Variants in CEP295 observed in about 807,000 individuals in gnomAD.
CEP295 encodes centrosomal protein 295, also known as centrosomal protein of 295 kDa.
Under a neutral mutation model 291.6 loss-of-function variants are expected in CEP295, and 190 were observed. The observed-to-expected ratio is 0.65, with a 90% CI of 0.58 to 0.73. The LOEUF (loss-of-function observed/expected upper bound fraction) is 0.73, where lower values mean the gene tolerates loss of function less well. CEP295 is among the 30% of genes least tolerant of loss of function. CEP295 has a pLI of 0.00. For synonymous variants in CEP295, 993 were observed against 1,038.8 expected (o/e 0.96, Z 0.85); for missense variants, 2,863 against 2,949.4 (o/e 0.97, Z 0.68).
At position 93,670,397 on chromosome 11, in the gene CEP295, T is replaced by A. The variant is rs571042025; in HGVS notation, c.528+627T>A. On this transcript the variant is annotated intron_variant, in intron 5 of 29. Transcript: ENST00000325212. Reference sequence around the variant, plus strand: ...TTTGTGATTTGAAGCTTATTTTTTTTAAAAAAATGTAATTAAAGCAGAAAT... The same window carrying A: ...TTTGTGATTTGAAGCTTATTTTTTTAAAAAAAATGTAATTAAAGCAGAAAT... Among the ~76,000 whole-genome samples the A allele has an allele frequency of 4.9e-3, 742 of 152,062 alleles. 14 individuals carry two copies. The highest frequency in any genetic ancestry group is 0.017 in the African/African-American group (695 of 41,458).
chr11:93,709,709 T>C (rs1228836862), intron 18 of CEP295, among the ~76,000 whole-genome samples: 1 of 152,182 alleles, frequency 6.6e-6, no homozygotes, highest in Non-Finnish European at 1.5e-5. Flanking sequence ...AGGGATTGCA[T>C]TGAATCTGCA....
chr11:93,675,037 T>C (rs1950623425), intron 5 of CEP295, among the ~76,000 whole-genome samples: 1 of 152,252 alleles, frequency 6.6e-6, no homozygotes, highest in Non-Finnish European at 1.5e-5. Flanking sequence ...GAAGGTAGTT[T>C]ACTTTCATTC....
At chr11:93,728,624 AGT>A in intron 24 of CEP295, 55 bp from the exon 25 acceptor site, 1 of 1,436,696 alleles carries the variant, frequency 7.0e-7, no homozygotes. Context: ...CAAAACGATT[AGT>A]TTAAGTCTTT....
In CEP295 at chr11:93,698,625, G is replaced by A. The variant is rs1326240631; in HGVS notation, c.3713G>A (p.Arg1238Lys). Residue 1238 changes from arginine to lysine, a missense_variant, in exon 15 of 30, where the codon AGA becomes AAA. By Grantham distance (26) the Arg-to-Lys change is conservative. Around this residue, in one of 3 missense-constraint regions of CEP295, gnomAD observed 2,295 missense variants for 2,335.7 expected, o/e 0.98. Transcript: ENST00000325212. ...TIPLSHPKIP[R>K]CQERLLRVSQ... ...CCCTTAAGCCATCCTAAGATCCCAA[G>A]ATGTCAGGAAAGACTTTTGAGAGTT... The A allele has an allele frequency of 1.3e-6, 2 of 1,551,250 alleles. No homozygotes were observed. The highest frequency in any genetic ancestry group is 3.9e-5 in the Admixed American group (2 of 50,988).
Position 93,679,350 on chromosome 11 carries a change from T to C in CEP295, c.625-62T>C, listed in dbSNP as rs879449552. The C allele has an allele frequency of 1.6e-5, 22 of 1,416,724 alleles. No individual in the cohort carries two copies. The African/African-American group carries it at 2.3e-4, about 15-fold the overall frequency. The allele number at this position is 1,416,724 out of a possible 1,614,324, so 87.8% of individuals were successfully genotyped here. A position where few individuals can be genotyped will look rare whatever the true frequency, so the allele number is the denominator to read the frequency against. The stretch of plus-strand genomic sequence containing the variant: ...AACATGATTTTAAGGTTGTTTTGTT[T>C]TTTAGTTACTGCTTGTCTCACACTT... On this transcript the variant is annotated intron_variant, in intron 6 of 29. Transcript: ENST00000325212.
At chr11:93,711,231 A>T (rs1952874112) in intron 18 of CEP295, among the ~76,000 whole-genome samples, 1 of 151,846 alleles carries the variant, frequency 6.6e-6, no homozygotes, top group South Asian at 2.1e-4. Context: ...TTTTATGTAG[A>T]TACTTAAATA....
Position 93,692,037 on chromosome 11 carries a change from T to C in CEP295, c.1533+7T>C, listed in dbSNP as rs1192391099. Reference sequence around the variant, plus strand: ...GTCAGCAAGGCAGAAACAGGTAATTTGAAATTTTATTTTTAAAGGTTTATT... The same window carrying C: ...GTCAGCAAGGCAGAAACAGGTAATTCGAAATTTTATTTTTAAAGGTTTATT... On this transcript the variant is annotated splice_region_variant and intron_variant, in intron 12 of 29. Coordinates refer to ENST00000325212, the MANE Select transcript of CEP295 (RefSeq NM_033395.2). 5 of 1,395,842 alleles carry C rather than the reference T, an allele frequency of 3.6e-6. No individual in the cohort carries two copies. Among genetic ancestry groups the C allele is most frequent in the Non-Finnish European group, 4.9e-6 (5 of 1,015,244 alleles). 86.5% of individuals were successfully genotyped at this position (1,395,842 alleles called of 1,614,324 possible). A position where few individuals can be genotyped will look rare whatever the true frequency, so the allele number is the denominator to read the frequency against.
At chr11:93,705,782 G>T (rs1288932397) in intron 17 of CEP295, among the ~76,000 whole-genome samples, 1 of 152,112 alleles carries the variant, frequency 6.6e-6, no homozygotes, top group Non-Finnish European at 1.5e-5. Context: ...AGGTTCTCTT[G>T]GGGTGAGGGG....
intron 18 of CEP295, among the ~76,000 whole-genome samples, chr11:93,720,365 C>A (rs1953611821): frequency 6.7e-6 from 1 of 150,222 alleles, no homozygotes; most frequent in Admixed American, 6.7e-5. Context: ...CCCAGCTACT[C>A]AGGAGGCTGA....
chr11:93,696,105 A>G (rs947440517), intron 13 of CEP295, among the ~76,000 whole-genome samples: 1 of 152,220 alleles, frequency 6.6e-6, no homozygotes, highest in Non-Finnish European at 1.5e-5. Context: ...ATACTAATAG[A>G]TACGACCATG....
chr11:93,670,285 A>G (rs936270789), intron 5 of CEP295, among the ~76,000 whole-genome samples: 3 of 152,136 alleles, frequency 2.0e-5, no homozygotes, highest in Non-Finnish European at 4.4e-5. Context: ...ATTATAAAGT[A>G]TCCAGGTGTG....
chr11:93,666,659 G>A, intron 1 of CEP295, 23 bp from the exon 2 acceptor site: 1 of 857,676 alleles, frequency 1.2e-6, no homozygotes, highest in East Asian at 2.7e-5. Context: ...TATTTTTATA[G>A]ACATTTTCCT....
intron 23 of CEP295, 73 bp downstream of exon 23, chr11:93,725,904 T>A: frequency 7.7e-7 from 1 of 1,303,598 alleles, no homozygotes. Flanking sequence ...AAATTAAGCC[T>A]AGCACCTCTT....
At chr11:93,724,706 G>A (rs1015555233) in intron 22 of CEP295, among the ~76,000 whole-genome samples, 4 of 152,118 alleles carry the variant, frequency 2.6e-5, no homozygotes, top group African/African-American at 9.7e-5. Flanking sequence ...GGTGGAGGCT[G>A]CAGTGAGCTG....
At position 93,675,608 on chromosome 11, in the gene CEP295, A is replaced by G. The variant is rs1950649567; in HGVS notation, c.566A>G (p.Asn189Ser). 1.3e-6 allele frequency: 2 copies of G among 1,513,080 alleles called. No homozygotes were observed. The highest frequency in any genetic ancestry group is 1.3e-5 in the South Asian group (1 of 76,906). 93.7% of individuals were successfully genotyped at this position (1,513,080 alleles called of 1,614,324 possible). A position where few individuals can be genotyped will look rare whatever the true frequency, so the allele number is the denominator to read the frequency against. The part of the protein sequence containing the change: ...EVKRISAVKT[N>S]SSTYHHLHTF... Reference sequence around the variant, plus strand: ...AAAAGAATTTCTGCAGTCAAAACCAATAGTTCTACCTACCATCATCTTCAC... The same window carrying G: ...AAAAGAATTTCTGCAGTCAAAACCAGTAGTTCTACCTACCATCATCTTCAC... The change falls in exon 6 of 30, where the codon AAT (asparagine) becomes AGT (serine). Residue 189 changes from asparagine to serine, a missense_variant. Asn to Ser is a conservative substitution (Grantham distance 46). This residue lies in a region of CEP295 where 554 missense variants were observed against 576.0 expected (regional missense o/e 0.96). Coordinates refer to ENST00000325212, the MANE Select transcript of CEP295 (RefSeq NM_033395.2).
At chr11:93,683,117 C>T (rs1951054837) in intron 7 of CEP295, among the ~76,000 whole-genome samples, 1 of 152,158 alleles carries the variant, frequency 6.6e-6, no homozygotes, top group African/African-American at 2.4e-5. Flanking sequence ...TGTTAAGCCA[C>T]AGTCACCCTG....
At position 93,727,344 on chromosome 11, in the gene CEP295, G is replaced by T; in HGVS notation, c.6868G>T (p.Val2290Phe). Residue 2290 changes from valine to phenylalanine, a missense_variant, in exon 24 of 30, where the codon GTT (valine) becomes TTT (phenylalanine). By Grantham distance (50) the Val-to-Phe change is conservative. Coordinates refer to ENST00000325212, the MANE Select transcript of CEP295 (RefSeq NM_033395.2). ...TGAAGAACTATCAAAAAGAGGGGTTGTTACAATGTTACAAAGTCAAGGACT... is the reference window on the plus strand; with the variant it reads ...TGAAGAACTATCAAAAAGAGGGGTTTTTACAATGTTACAAAGTCAAGGACT... ...GFEELSKRGV[V>F]TMLQSQGLIE... 6.4e-7 allele frequency: 1 copy of T among 1,551,414 alleles called. No homozygotes were observed. The highest frequency in any genetic ancestry group is 8.7e-7 in the Non-Finnish European group (1 of 1,146,890).
rs10831088 is a variant in CEP295, at chr11:93,675,665, G to A, written c.623G>A (p.Arg208Gln). 1,374,759 of 1,407,840 alleles carry A rather than the reference G, an allele frequency of 0.98. 673,368 individuals carry two copies. Among genetic ancestry groups the A allele is most frequent in the Non-Finnish European group, 0.99 (1,032,764 of 1,041,664 alleles). 87.2% of individuals were successfully genotyped at this position (1,407,840 alleles called of 1,614,324 possible). A position where few individuals can be genotyped will look rare whatever the true frequency, so the allele number is the denominator to read the frequency against. ...GTGAATAGAGAGACAGACACAAAAC[G>A]GGTGATTGACTTATTGTTTCTTCAT... ...TFVNRETDTK[R>Q]PDARLAAEEE... Residue 208 changes from arginine to glutamine, a missense_variant and splice_region_variant, in exon 6 of 30, where the codon CGG becomes CAG. Physicochemically the swap from Arg to Gln is conservative, Grantham distance 43. Around this residue, in one of 3 missense-constraint regions of CEP295, gnomAD observed 554 missense variants for 576.0 expected, o/e 0.96. Coordinates refer to ENST00000325212, the MANE Select transcript of CEP295 (RefSeq NM_033395.2).
intron 6 of CEP295, among the ~76,000 whole-genome samples, chr11:93,678,697 A>T (rs1950817961): frequency 6.6e-6 from 1 of 152,078 alleles, no homozygotes. Context: ...GGAGGCCGAG[A>T]TGGGAGGATT....
Sources: gnomAD v4.1 joint callset for allele counts (sites outside exome capture counted in the v4.1 genomes callset) on GRCh38, gnomAD v4.1.1 for gene constraint, gnomAD v4.1.1 regional missense constraint, MANE v1.5 for transcripts, NCBI Gene and HGNC (gene_info 2026-07-23, HGNC 2026-07-21) for gene names.